The following KIDINS220 variants were observed in gnomAD, a reference collection of about 807,000 sequenced individuals.
KIDINS220 encodes kinase D-interacting substrate of 220 kDa.
In KIDINS220, 63 loss-of-function variants were observed where a neutral mutation model predicts 157.6. The observed-to-expected ratio is 0.40, with a 90% CI of 0.33 to 0.49. The LOEUF is 0.49. Among genes scored for constraint, KIDINS220 ranks in the 20% least tolerant of loss-of-function variants. KIDINS220 has a pLI of 0.66. For synonymous variants in KIDINS220, 732 were observed against 783.6 expected, an observed-to-expected ratio of 0.93 and a Z score of 1.10; for missense variants, 1,772 against 2,171.2, an observed-to-expected ratio of 0.82 and a Z score of 3.65.
At position 8,796,314 on chromosome 2, in the gene KIDINS220, G is replaced by A. The variant is rs148494115; in HGVS notation, c.1098+457C>T. Among the ~76,000 whole-genome samples, 370 of 152,270 alleles carry A rather than the reference G, an allele frequency of 2.4e-3. 2 individuals carry two copies. The highest frequency in any genetic ancestry group is 8.2e-3 in the African/African-American group (339 of 41,548). ...TATATGAAGTATGAAGCCACTTAGA[G>A]CTAAACTTATTATAGAAAATATAAA... On this transcript the variant is annotated intron_variant, in intron 11 of 29. Coordinates refer to ENST00000256707, the MANE Select transcript of KIDINS220 (RefSeq NM_020738.4).
At position 8,733,466 on chromosome 2, in the gene KIDINS220, C is replaced by T. The variant is rs1210384318; in HGVS notation, c.4031G>A (p.Arg1344His). 1.5e-5 allele frequency: 25 copies of T among 1,613,676 alleles called. No homozygotes were observed. The highest frequency in any genetic ancestry group is 4.5e-5 in the East Asian group (2 of 44,894). Residue 1344 changes from arginine to histidine, a missense_variant, in exon 29 of 30, where the codon CGT (arginine) becomes CAT (histidine). Coordinates refer to ENST00000256707, the MANE Select transcript of KIDINS220 (RefSeq NM_020738.4). ...NTLGLDEGAPRHSNLSWQSQT... is the reference protein window; with the variant it reads ...NTLGLDEGAPHHSNLSWQSQT... ...TACCTGCCAACTTAGATTACTGTGA[C>T]GAGGGGCACCTTCATCCAGGCCAAG... is the stretch of plus-strand genomic sequence containing the variant.
intron 23 of KIDINS220, 115 bp from the exon 24 acceptor site, chr2:8,750,450 C>T (rs1667195302): frequency 7.9e-6 from 5 of 631,598 alleles, no homozygotes; most frequent in Non-Finnish European, 9.4e-6. Flanking sequence ...TCACTCTTGC[C>T]ACGGATTCCA....
At position 8,806,527 on chromosome 2, in the gene KIDINS220, C is replaced by T. The variant is rs145164969; in HGVS notation, c.505-158G>A. The T allele has an allele frequency of 2.4e-5, 13 of 541,766 alleles. No homozygotes were observed. The East Asian group carries it at 3.7e-4, about 16-fold the overall frequency. 33.6% of individuals were successfully genotyped at this position (541,766 alleles called of 1,614,324 possible). The stretch of plus-strand genomic sequence containing the variant: ...AATCTTAGATAAATCCTATTTCTCC[C>T]ATTTTATTTCTCCTGAGTAGATTAA... On this transcript the variant is annotated intron_variant, in intron 6 of 29. Coordinates refer to ENST00000256707, the MANE Select transcript of KIDINS220 (RefSeq NM_020738.4).
chr2:8,736,336 GA>G (rs1189205159), intron 27 of KIDINS220, among the ~76,000 whole-genome samples: 1 of 151,040 alleles, frequency 6.6e-6, no homozygotes, highest in African/African-American at 2.4e-5. Flanking sequence ...GATCTTAGAA[GA>G]AAAAAAAACT....
At chr2:8,822,752 G>C (rs1437424381) in intron 2 of KIDINS220, among the ~76,000 whole-genome samples, 5 of 152,124 alleles carry the variant, frequency 3.3e-5, no homozygotes, top group Non-Finnish European at 7.4e-5. Context: ...TTATACCAAG[G>C]ACAGCTGACA....
intron 28 of KIDINS220, 84 bp downstream of exon 28, chr2:8,734,571 A>G: frequency 1.0e-6 from 1 of 973,070 alleles, no homozygotes; most frequent in Non-Finnish European, 1.5e-6. Flanking sequence ...ACTTATTGAT[A>G]CTGGTTTTCT....
rs908675347 is a variant in KIDINS220 at position 8,806,388 on chromosome 2, A to C, written c.505-19T>G. ...TTCCATACTATTAAAACAAACAATA[A>C]ATTTAAAATTATTATAAAAAGTATA... On this transcript the variant is annotated intron_variant, in intron 6 of 29. Transcript: ENST00000256707. 1 of 1,458,744 alleles carries C rather than the reference A, an allele frequency of 6.9e-7. No individual in the cohort carries two copies. The highest frequency in any genetic ancestry group is 1.4e-5 in the African/African-American group (1 of 70,346). 90.4% of individuals were successfully genotyped at this position (1,458,744 alleles called of 1,614,324 possible). A position where few individuals can be genotyped will look rare whatever the true frequency, so the allele number is the denominator to read the frequency against.
In KIDINS220 at chr2:8,737,010, C is replaced by A. The variant is rs759040006; in HGVS notation, c.3586-11G>T. The A allele has an allele frequency of 1.2e-6, 2 of 1,611,948 alleles. No individual in the cohort carries two copies. Among genetic ancestry groups the A allele is most frequent in the Admixed American group, 1.7e-5 (1 of 59,610 alleles). ...GGCTGGGCCTGACCCCTAGAGAAGT[C>A]AAGGAAAAATACAGGTATGAATAAG... On this transcript the variant is annotated splice_polypyrimidine_tract_variant and intron_variant, in intron 26 of 29. Transcript: ENST00000256707.
chr2:8,836,197 C>A (rs1022760787), intron 1 of KIDINS220, among the ~76,000 whole-genome samples: 1 of 150,634 alleles, frequency 6.6e-6, no homozygotes. Flanking sequence ...AATGGAGCTG[C>A]CCTTAACCAA....
intron 4 of KIDINS220, 110 bp downstream of exon 4, chr2:8,817,508 T>A: frequency 1.6e-6 from 1 of 640,492 alleles, no homozygotes; most frequent in Non-Finnish European, 2.4e-6. Context: ...TCCCAAATTC[T>A]AAAAACATTA....
chr2:8,770,547 G>A, intron 22 of KIDINS220, 123 bp downstream of exon 22: 1 of 502,484 alleles, frequency 2.0e-6, no homozygotes, highest in Non-Finnish European at 3.4e-6. Flanking sequence ...TAATAAGAAT[G>A]ATTAAATCCA....
intron 26 of KIDINS220, chr2:8,746,614 T>C (rs1666618789): frequency 6.6e-6 from 1 of 152,006 alleles, no homozygotes; most frequent in African/African-American, 2.4e-5. Context: ...CAAAGAAAAG[T>C]ATTATAACAC....
intron 12 of KIDINS220, 58 bp downstream of exon 12, chr2:8,793,752 T>C: frequency 6.9e-7 from 1 of 1,458,068 alleles, no homozygotes; most frequent in Non-Finnish European, 9.2e-7. Flanking sequence ...TTTTCCATAT[T>C]CTTTAATGGA....
At chr2:8,776,930 G>A (rs760761556) in intron 20 of KIDINS220, 38 bp from the exon 21 acceptor site, 62 of 1,597,932 alleles carry the variant, frequency 3.9e-5, no homozygotes, top group East Asian at 6.7e-5. Context: ...GAACCCACGC[G>A]TCCAGTCTAA....
chr2:8,789,941 G>A lies in KIDINS220; in HGVS notation c.1560C>T (p.Val520=), dbSNP rs769531719. The change falls in exon 14 of 30, where the codon GTC becomes GTT. Residue 520 remains valine (V), a synonymous_variant. Transcript: ENST00000256707. The part of the protein sequence containing the change: ...GGLGLLFAFT[V]HPNLGIAVSL... ...ACACTGCTATTCCAAGATTTGGGTG[G>A]ACCGTGAAGGCAAACAATAAACCAA... 6.2e-7 allele frequency: 1 copy of A among 1,613,854 alleles called. No individual in the cohort carries two copies. Among genetic ancestry groups the A allele is most frequent in the Admixed American group, 1.7e-5 (1 of 59,956 alleles).
At chr2:8,820,733 T>C (rs1677825783) in intron 2 of KIDINS220, among the ~76,000 whole-genome samples, 1 of 152,176 alleles carries the variant, frequency 6.6e-6, no homozygotes, top group Non-Finnish European at 1.5e-5. Context: ...TTTATGATAA[T>C]CATCACTCTG....
At position 8,733,526 on chromosome 2, in the gene KIDINS220, T is replaced by C. The variant is rs747809218; in HGVS notation, c.3971A>G (p.Tyr1324Cys). Residue 1324 changes from tyrosine to cysteine, a missense_variant, in exon 29 of 30, where the codon TAC (tyrosine) becomes TGC (cysteine). Tyr to Cys is a radical substitution (Grantham distance 194). This residue lies in a region of KIDINS220 where 793 missense variants were observed against 885.5 expected (regional missense o/e 0.90). Transcript: ENST00000256707. ...PHTELSSQTP[Y>C]TLNFSFEELN... ...CTCTTCGAAGCTGAAGTTGAGTGTG[T>C]AGGGCGTCTGGCTGGAGAGCTCGGT... The C allele has an allele frequency of 8.1e-6, 13 of 1,614,026 alleles. No homozygotes were observed. The highest frequency in any genetic ancestry group is 1.3e-5 in the African/African-American group (1 of 74,922).
Position 8,729,228 on chromosome 2 carries a change from A to C in KIDINS220, c.*1492T>G, listed in dbSNP as rs192360412. 69 of 985,370 alleles carry C rather than the reference A, an allele frequency of 7.0e-5. No individual in the cohort carries two copies. Among genetic ancestry groups the C allele is most frequent in the Admixed American group, 1.8e-4 (3 of 16,290 alleles). 61.0% of individuals were successfully genotyped at this position (985,370 alleles called of 1,614,324 possible). A position where few individuals can be genotyped will look rare whatever the true frequency, so the allele number is the denominator to read the frequency against. On this transcript the variant is annotated 3_prime_UTR_variant, in exon 30 of 30. Coordinates refer to ENST00000256707, the MANE Select transcript of KIDINS220 (RefSeq NM_020738.4). Reference sequence around the variant, plus strand: ...ACACTGTATTAAAATGCTAGATTACACTCAAACATCAAGGCAATGAAACAC... The same window carrying C: ...ACACTGTATTAAAATGCTAGATTACCCTCAAACATCAAGGCAATGAAACAC...
At chr2:8,765,895 G>A (rs1669423302) in intron 22 of KIDINS220, among the ~76,000 whole-genome samples, 1 of 151,922 alleles carries the variant, frequency 6.6e-6, no homozygotes, top group African/African-American at 2.4e-5. Context: ...CTTTACTGTG[G>A]GATAGCCAAT....
Sources: gnomAD v4.1 joint callset for allele counts (sites outside exome capture counted in the v4.1 genomes callset) on GRCh38, gnomAD v4.1.1 for gene constraint, gnomAD v4.1.1 regional missense constraint, MANE v1.5 for transcripts, NCBI Gene and HGNC (gene_info 2026-07-23, HGNC 2026-07-21) for gene names.